SMG6: variants seen among roughly 807,000 people sequenced by gnomAD.
The protein encoded by SMG6 is SMG6 nonsense mediated mRNA decay factor.
A neutral mutation model predicts 142.2 loss-of-function variants in SMG6; 66 were observed. That is an observed-to-expected ratio of 0.46 (90% CI 0.38 to 0.57). The LOEUF is 0.57. Among genes scored for constraint, SMG6 ranks in the 20% least tolerant of loss-of-function variants. The pLI is 0.00. For synonymous variants in SMG6, 779 were observed against 702.4 expected, an observed-to-expected ratio of 1.11 and a Z score of -1.72; for missense variants, 1,793 against 1,832.0, an observed-to-expected ratio of 0.98 and a Z score of 0.39.
At chr17:2,215,228 C>T (rs901842981) in intron 10 of SMG6, among the ~76,000 whole-genome samples, 23 of 152,122 alleles carry the variant, frequency 1.5e-4, no homozygotes, top group African/African-American at 4.8e-4. Flanking sequence ...CACACACGCG[C>T]GCGCACACAC....
At chr17:2,255,828 G>C (rs866318928) in intron 8 of SMG6, 2 of 229,454 alleles carry the variant, frequency 8.7e-6, no homozygotes. Context: ...TTTTCATTTT[G>C]TTCTGTACTA....
chr17:2,065,260 C>T (rs1247760611), intron 17 of SMG6, 106 bp from the exon 18 acceptor site: 14 of 1,069,536 alleles, frequency 1.3e-5, no homozygotes, highest in Middle Eastern at 3.0e-4. Context: ...GCCACCTCCC[C>T]GATCCCTCCC....
intron 6 of SMG6, among the ~76,000 whole-genome samples, chr17:2,286,784 A>G (rs554626231): frequency 6.6e-5 from 10 of 152,320 alleles, no homozygotes; most frequent in Admixed American, 5.9e-4. Context: ...ACACTTGTGC[A>G]TCGAAAGATA....
At chr17:2,140,876 G>A (rs1396326151) in intron 13 of SMG6, among the ~76,000 whole-genome samples, 3 of 152,152 alleles carry the variant, frequency 2.0e-5, no homozygotes. Context: ...AAGTATTAGT[G>A]CATTGGAATC....
intron 13 of SMG6, among the ~76,000 whole-genome samples, chr17:2,102,978 A>G (rs1199188573): frequency 6.6e-6 from 1 of 152,202 alleles, no homozygotes; most frequent in Non-Finnish European, 1.5e-5. Flanking sequence ...ATTTCTTTTT[A>G]AAGGCCAAAT....
At chr17:2,108,120 G>A (rs556234351) in intron 13 of SMG6, among the ~76,000 whole-genome samples, 1 of 151,980 alleles carries the variant, frequency 6.6e-6, no homozygotes, top group Non-Finnish European at 1.5e-5. Flanking sequence ...AATGGCAACA[G>A]CTAAGTGGGT....
At chr17:2,292,084 T>C (rs941265411) in intron 6 of SMG6, among the ~76,000 whole-genome samples, 1 of 152,158 alleles carries the variant, frequency 6.6e-6, no homozygotes, top group Non-Finnish European at 1.5e-5. Flanking sequence ...ACTGTGCTTC[T>C]GCTAAGGAGG....
intron 13 of SMG6, among the ~76,000 whole-genome samples, chr17:2,107,458 A>C (rs1432067599): frequency 6.6e-6 from 1 of 152,186 alleles, no homozygotes; most frequent in Non-Finnish European, 1.5e-5. Context: ...AATCTAAGTG[A>C]GAACTAGTTG....
At chr17:2,153,163 T>G (rs1226678266) in intron 13 of SMG6, among the ~76,000 whole-genome samples, 2 of 152,212 alleles carry the variant, frequency 1.3e-5, no homozygotes, top group Non-Finnish European at 2.9e-5. Flanking sequence ...ATGAGATGTT[T>G]TTTGAGACTT....
At chr17:2,287,810 C>G (rs2074940606) in intron 6 of SMG6, among the ~76,000 whole-genome samples, 1 of 152,156 alleles carries the variant, frequency 6.6e-6, no homozygotes, top group African/African-American at 2.4e-5. Context: ...AGGACAAATA[C>G]TGTATAATTC....
intron 13 of SMG6, among the ~76,000 whole-genome samples, chr17:2,147,392 CA>C (rs2070701741): frequency 6.6e-6 from 1 of 151,640 alleles, no homozygotes; most frequent in Admixed American, 6.6e-5. Context: ...GACTACATCT[CA>C]AAAAAACAGC....
At chr17:2,091,926 C>T (rs1186904092) in intron 13 of SMG6, among the ~76,000 whole-genome samples, 2 of 150,994 alleles carry the variant, frequency 1.3e-5, no homozygotes, top group African/African-American at 4.8e-5. Context: ...TCGTGATCCG[C>T]CCGCCTTGGC....
intron 1 of SMG6, chr17:2,303,070 T>C (rs2075320744): frequency 1.0e-6 from 1 of 985,438 alleles, no homozygotes; most frequent in Non-Finnish European, 1.2e-6. Flanking sequence ...TTCTCTCTAA[T>C]AAAAACTGCT....
chr17:2,189,447 G>C (rs1333162820), intron 10 of SMG6, among the ~76,000 whole-genome samples: 1 of 152,164 alleles, frequency 6.6e-6, no homozygotes, highest in Non-Finnish European at 1.5e-5. Context: ...CAGCCTCCGA[G>C]GAGGAGACAC....
intron 10 of SMG6, among the ~76,000 whole-genome samples, chr17:2,234,724 T>C (rs2073600758): frequency 6.6e-6 from 1 of 151,358 alleles, no homozygotes; most frequent in African/African-American, 2.4e-5. Flanking sequence ...TTATTATTAT[T>C]TGAGATGGAG....
At chr17:2,181,946 CG>C (rs1232285607) in intron 12 of SMG6, among the ~76,000 whole-genome samples, 3 of 152,170 alleles carry the variant, frequency 2.0e-5, no homozygotes, top group Admixed American at 6.5e-5. Context: ...AGACATGCTG[CG>C]TGAGAGAGCT....
At position 2,299,234 on chromosome 17, in the gene SMG6, G is replaced by A. The variant is rs750191969; in HGVS notation, c.1519C>T (p.Pro507Ser). Residue 507 changes from proline (P) to serine (S), a missense_variant, in exon 2 of 19, where the codon CCC becomes TCC. Coordinates refer to ENST00000263073, the MANE Select transcript of SMG6 (RefSeq NM_017575.5). The surrounding 1 kb of genome is among the most constrained non-coding windows in gnomAD (Gnocchi z 4.3). ...SYYKFQNSDN[P>S]YYYPRTPGPA... ...CCTGGTGTCCGGGGGTAATAATAGG[G>A]GTTGTCAGAGTTTTGAAACTTATAG... The A allele has an allele frequency of 1.2e-6, 2 of 1,614,024 alleles. No individual in the cohort carries two copies. Among genetic ancestry groups the A allele is most frequent in the African/African-American group, 1.3e-5 (1 of 74,994 alleles).
At chr17:2,168,748 GTTGTT>G (rs1181719119) in intron 13 of SMG6, among the ~76,000 whole-genome samples, 1 of 151,682 alleles carries the variant, frequency 6.6e-6, no homozygotes, top group African/African-American at 2.4e-5. Flanking sequence ...TTTGTTTTGT[GTTGTT>G]TTGTTTTGTT....
intron 4 of SMG6, among the ~76,000 whole-genome samples, chr17:2,295,358 C>A (rs182406995): frequency 6.6e-6 from 1 of 152,034 alleles, no homozygotes; most frequent in Non-Finnish European, 1.5e-5. Flanking sequence ...ACAAAAAAAA[C>A]GAAAAACAAA....
Sources: allele counts gnomAD v4.1 joint callset (sites outside exome capture counted in the v4.1 genomes callset), GRCh38; gene constraint gnomAD v4.1.1; non-coding constraint Gnocchi (gnomAD v3.1); transcripts MANE v1.5; gene names NCBI Gene and HGNC (gene_info 2026-07-23, HGNC 2026-07-21).